The following CHST9 variants were observed in gnomAD, a reference collection of about 807,000 sequenced individuals.
CHST9 encodes the protein carbohydrate sulfotransferase 9, also known as GalNAc-4-sulfotransferase 2.
In CHST9, 41 loss-of-function variants were observed where a neutral mutation model predicts 44.4. That is an observed-to-expected ratio of 0.92 (90% confidence interval 0.72 to 1.20). CHST9 has a LOEUF of 1.20. Among genes scored for constraint, CHST9 ranks in the 50% most tolerant of loss-of-function variants. The pLI is 0.00. For synonymous variants in CHST9, 171 were observed against 178.4 expected, an observed-to-expected ratio of 0.96 and a Z score of 0.33; for missense variants, 504 against 516.5, an observed-to-expected ratio of 0.98 and a Z score of 0.23.
intron 2 of CHST9, among the ~76,000 whole-genome samples, chr18:27,059,292 C>T (rs2057693828): frequency 6.6e-6 from 1 of 152,110 alleles, no homozygotes; most frequent in African/African-American, 2.4e-5. Context: ...TGTATCTAGG[C>T]TTCGAAAACT....
intron 4 of CHST9, among the ~76,000 whole-genome samples, chr18:26,966,532 G>A (rs1017584811): frequency 1.3e-5 from 2 of 152,144 alleles, no homozygotes; most frequent in Admixed American, 6.5e-5. Flanking sequence ...GGATTTAAAC[G>A]TCTTTGATGA....
intron 2 of CHST9, among the ~76,000 whole-genome samples, chr18:27,059,684 TC>T (rs2057698479): frequency 6.6e-6 from 1 of 152,204 alleles, no homozygotes; most frequent in African/African-American, 2.4e-5. Flanking sequence ...CTCTTAATCA[TC>T]ATCTCATTAG....
chr18:26,937,282 C>G (rs766878159), intron 5 of CHST9, among the ~76,000 whole-genome samples: 8 of 152,034 alleles, frequency 5.3e-5, no homozygotes, highest in Non-Finnish European at 1.0e-4. Flanking sequence ...CAACAGGGAC[C>G]CTGGAGTATA....
Position 27,142,878 on chromosome 18 carries a change from C to G in CHST9, c.-69G>C, listed in dbSNP as rs147751559. ...CGTAAAACTTCAGTCTTTTCTTGTT[C>G]TCTAAGAGCCCAATTCCATAAAGTA... On this transcript the variant is annotated 5_prime_UTR_variant, in exon 2 of 6. Transcript: ENST00000618847. 1.1e-4 allele frequency: 162 copies of G among 1,447,396 alleles called. No homozygotes were observed. In the African/African-American group the frequency reaches 1.7e-3, roughly 15 times the overall value. 89.7% of individuals were successfully genotyped at this position (1,447,396 alleles called of 1,614,324 possible).
chr18:27,070,935 C>G (rs921639277), intron 2 of CHST9, among the ~76,000 whole-genome samples: 1 of 152,140 alleles, frequency 6.6e-6, no homozygotes, highest in Non-Finnish European at 1.5e-5. Flanking sequence ...TAGCCAGACT[C>G]TCCTCTGTTG....
At chr18:27,002,709 T>G (rs1308661217) in intron 4 of CHST9, among the ~76,000 whole-genome samples, 1 of 152,138 alleles carries the variant, frequency 6.6e-6, no homozygotes, top group Admixed American at 6.6e-5. Context: ...TTATGATGAG[T>G]TTAATGAAAT....
At chr18:26,969,259 C>T (rs2056507104) in intron 4 of CHST9, among the ~76,000 whole-genome samples, 1 of 152,132 alleles carries the variant, frequency 6.6e-6, no homozygotes, top group Admixed American at 6.5e-5. Context: ...GCCTCAGCTT[C>T]CCAAAGTGCT....
chr18:26,968,011 C>T (rs540657681), intron 4 of CHST9, among the ~76,000 whole-genome samples: 23 of 152,314 alleles, frequency 1.5e-4, no homozygotes, highest in African/African-American at 4.8e-4. Flanking sequence ...CTCAGGCCTT[C>T]GGCCGCAGAC....
At chr18:27,107,253 T>A (rs2058229724) in intron 2 of CHST9, among the ~76,000 whole-genome samples, 1 of 152,198 alleles carries the variant, frequency 6.6e-6, no homozygotes, top group African/African-American at 2.4e-5. Context: ...TTACTGAAGT[T>A]TCCGCCAGTG....
At chr18:26,943,860 A>G (rs1023888865) in intron 5 of CHST9, among the ~76,000 whole-genome samples, 1 of 152,234 alleles carries the variant, frequency 6.6e-6, no homozygotes, top group Non-Finnish European at 1.5e-5. Context: ...GAGTAGAAAC[A>G]AAAGACCAGA....
intron 4 of CHST9, among the ~76,000 whole-genome samples, chr18:26,982,818 T>A (rs1031849726): frequency 2.6e-5 from 4 of 152,164 alleles, no homozygotes; most frequent in African/African-American, 7.2e-5. Flanking sequence ...TTCCACGTGA[T>A]AGTTCTTCAA....
At chr18:27,162,955 G>T (rs369634828) in intron 1 of CHST9, among the ~76,000 whole-genome samples, 1 of 152,030 alleles carries the variant, frequency 6.6e-6, no homozygotes, top group Non-Finnish European at 1.5e-5. Context: ...ATCTACCTTT[G>T]GTCTTTGATG....
chr18:27,016,663 C>A (rs2057158237), intron 4 of CHST9, among the ~76,000 whole-genome samples: 1 of 152,166 alleles, frequency 6.6e-6, no homozygotes, highest in Non-Finnish European at 1.5e-5. Context: ...AGTGTTAGAG[C>A]TTTCCTAAGC....
intron 2 of CHST9, among the ~76,000 whole-genome samples, chr18:27,104,907 C>T (rs569833088): frequency 6.6e-6 from 1 of 152,158 alleles, no homozygotes; most frequent in African/African-American, 2.4e-5. Flanking sequence ...TAGTGCCTGG[C>T]TCATAGACGG....
intron 4 of CHST9, among the ~76,000 whole-genome samples, chr18:26,999,171 G>GC: frequency 6.6e-6 from 1 of 152,276 alleles, no homozygotes; most frequent in South Asian, 2.1e-4. Flanking sequence ...CTTTGAAAAT[G>GC]CTTATACTAC....
rs186043348 is a variant in CHST9, at chr18:27,050,443, G to T, written c.122-1940C>A. ...TATCAACATTCCACAGCTGGAGCTA[G>T]TTACTGAGAAGTTAGGCCACACGTT... On this transcript the variant is annotated intron_variant, in intron 2 of 5. Coordinates refer to ENST00000618847, the MANE Select transcript of CHST9 (RefSeq NM_031422.6). Among the ~76,000 whole-genome samples the T allele has an allele frequency of 7.2e-5, 11 of 152,228 alleles. No homozygotes were observed. The East Asian group carries it at 2.1e-3, about 29-fold the overall frequency.
At chr18:27,050,908 A>G (rs2057558963) in intron 2 of CHST9, among the ~76,000 whole-genome samples, 1 of 152,228 alleles carries the variant, frequency 6.6e-6, no homozygotes, top group Non-Finnish European at 1.5e-5. Context: ...TCTTTAACCT[A>G]TATTAGAATA....
At chr18:27,038,068 G>T in intron 3 of CHST9, among the ~76,000 whole-genome samples, 1 of 152,072 alleles carries the variant, frequency 6.6e-6, no homozygotes, top group East Asian at 1.9e-4. Flanking sequence ...GTTATTTAAA[G>T]ACTTCTGCTA....
intron 4 of CHST9, among the ~76,000 whole-genome samples, chr18:27,010,198 C>G (rs1250018607): frequency 6.6e-6 from 1 of 152,108 alleles, no homozygotes; most frequent in African/African-American, 2.4e-5. Flanking sequence ...TGATACTTGA[C>G]AGCTGAAAGG....
Sources: allele counts gnomAD v4.1 joint callset (sites outside exome capture counted in the v4.1 genomes callset), GRCh38; gene constraint gnomAD v4.1.1; transcripts MANE v1.5; gene names NCBI Gene and HGNC (gene_info 2026-07-23, HGNC 2026-07-21).